Variants in SYNE1 observed in about 807,000 individuals in gnomAD.
The protein encoded by SYNE1 is spectrin repeat containing nuclear envelope protein 1, also known as nesprin-1.
In SYNE1, 616 loss-of-function variants were observed where a neutral mutation model predicts 1,111.0. The observed-to-expected ratio is 0.55, with a 90% CI of 0.52 to 0.59. The LOEUF (loss-of-function observed/expected upper bound fraction) is 0.59, where lower values mean the gene tolerates loss of function less well. Among genes scored for constraint, SYNE1 ranks in the 20% least tolerant of loss-of-function variants. SYNE1 has a pLI of 0.00. For missense variants in SYNE1, 10,006 were observed against 10,417.0 expected (o/e 0.96, Z 1.72); for synonymous variants, 3,855 against 3,825.8 (o/e 1.01, Z -0.28).
chr6:152,283,711 A>G (rs755701762), intron 96 of SYNE1, among the ~76,000 whole-genome samples: 19 of 151,838 alleles, frequency 1.3e-4, no homozygotes, highest in Non-Finnish European at 2.4e-4. Flanking sequence ...TCATTTTTAT[A>G]TTTTTAGTAG....
chr6:152,613,364 CAG>C (rs2128814165), intron 3 of SYNE1, among the ~76,000 whole-genome samples: 1 of 152,246 alleles, frequency 6.6e-6, no homozygotes, highest in Admixed American at 6.5e-5. Flanking sequence ...AACAGACAAA[CAG>C]AGAGCCAAAT....
At position 152,468,909 on chromosome 6, in the gene SYNE1, G is replaced by C. The variant is rs562118293; in HGVS notation, c.1632+2688C>G. Among the ~76,000 whole-genome samples the C allele has an allele frequency of 2.0e-3, 300 of 152,230 alleles. 1 individual carries two copies. Among genetic ancestry groups the C allele is most frequent in the African/African-American group, 7.1e-3 (293 of 41,536 alleles). ...TCCTGCCTCAGCCTCCTGAGTGGTT[G>C]AAACTACAGGTGCACACCATGACAC... On this transcript the variant is annotated intron_variant, in intron 16 of 145. Transcript: ENST00000367255.
chr6:152,222,188 C>T (rs965927450), intron 117 of SYNE1, among the ~76,000 whole-genome samples: 1 of 152,204 alleles, frequency 6.6e-6, no homozygotes, highest in Non-Finnish European at 1.5e-5. Context: ...ATAAAAACTC[C>T]TTCTCTCCTT....
rs534063597 is a variant in SYNE1, at chr6:152,350,227, G to A, written c.11842C>T (p.Pro3948Ser). 8 of 1,613,936 alleles carry A rather than the reference G, an allele frequency of 5.0e-6. No individual in the cohort carries two copies. Among genetic ancestry groups the A allele is most frequent in the Non-Finnish European group, 6.8e-6 (8 of 1,180,028 alleles). The change falls in exon 72 of 146, where the codon CCT (proline) becomes TCT (serine). Residue 3948 changes from proline (P) to serine (S), a missense_variant. Around this residue, in one of 7 missense-constraint regions of SYNE1, gnomAD observed 4,955 missense variants for 5,017.2 expected, o/e 0.99. Coordinates refer to ENST00000367255, the MANE Select transcript of SYNE1 (RefSeq NM_182961.4). The part of the protein sequence containing the change: ...LLQMSGRLVA[P>S]DLLETSSLET... ...AGGCTGCTTGTCTCCAGGAGGTCAG[G>A]TGCCACCAGTCTGCCAGACATCTGC... is the stretch of plus-strand genomic sequence containing the variant.
chr6:152,317,015 A>G (rs1475692843), intron 86 of SYNE1, 29 bp from the exon 87 acceptor site: 1 of 1,612,760 alleles, frequency 6.2e-7, no homozygotes, highest in East Asian at 2.2e-5. Flanking sequence ...TAATGTAACA[A>G]ATGTAAACTC....
chr6:152,420,441 A>T (rs2098239812), intron 39 of SYNE1, among the ~76,000 whole-genome samples: 1 of 152,150 alleles, frequency 6.6e-6, no homozygotes, highest in African/African-American at 2.4e-5. Context: ...CCAACACAGC[A>T]AAACTCCATT....
chr6:152,596,800 T>C (rs1381766920), intron 3 of SYNE1, among the ~76,000 whole-genome samples: 1 of 152,212 alleles, frequency 6.6e-6, no homozygotes, highest in Admixed American at 6.5e-5. Flanking sequence ...TCATCTTCCC[T>C]TCCTGTTGAA....
At chr6:152,293,938 C>T in intron 94 of SYNE1, 22 bp downstream of exon 94, 1 of 1,613,864 alleles carries the variant, frequency 6.2e-7, no homozygotes, top group Middle Eastern at 1.7e-4. Flanking sequence ...TGGGCATAAA[C>T]TAGTCCACCT....
chr6:152,340,818 A>AG (rs749855285), intron 74 of SYNE1, among the ~76,000 whole-genome samples: 140 of 152,314 alleles, frequency 9.2e-4, no homozygotes, highest in Non-Finnish European at 1.7e-3. Flanking sequence ...GGCTTGCCAC[A>AG]GGGGTGGCAG....
At chr6:152,434,524 T>G (rs997857705) in intron 33 of SYNE1, 2 of 152,460 alleles carry the variant, frequency 1.3e-5, no homozygotes, top group Non-Finnish European at 2.9e-5. Context: ...TCAGCCATTT[T>G]CATAAATGTC....
chr6:152,516,897 T>C (rs1441888709), intron 6 of SYNE1, among the ~76,000 whole-genome samples: 4 of 152,176 alleles, frequency 2.6e-5, no homozygotes, highest in African/African-American at 4.8e-5. Context: ...TGAAAAACTC[T>C]AAATATCCTG....
At chr6:152,592,047 G>A (rs1284791590) in intron 3 of SYNE1, among the ~76,000 whole-genome samples, 9 of 152,044 alleles carry the variant, frequency 5.9e-5, no homozygotes. Context: ...CCAGAGAAAA[G>A]GGAATGCTTA....
At chr6:152,299,881 A>G (rs1312300435) in intron 93 of SYNE1, among the ~76,000 whole-genome samples, 2 of 152,204 alleles carry the variant, frequency 1.3e-5, no homozygotes. Flanking sequence ...AATAGTTTAC[A>G]TTTTTTAGTT....
chr6:152,436,530 G>A (rs897123024), intron 32 of SYNE1, among the ~76,000 whole-genome samples: 1 of 151,876 alleles, frequency 6.6e-6, no homozygotes, highest in Non-Finnish European at 1.5e-5. Flanking sequence ...TGAACTCCTG[G>A]GCTCAAGTGA....
intron 56 of SYNE1, among the ~76,000 whole-genome samples, chr6:152,377,592 G>A (rs2097305456): frequency 1.1e-5 from 1 of 94,948 alleles, no homozygotes; most frequent in Non-Finnish European, 2.0e-5. Context: ...CTGGGGGACA[G>A]AACGAAACTC....
chr6:152,249,520 G>A (rs1002394353), intron 104 of SYNE1, among the ~76,000 whole-genome samples: 4 of 152,144 alleles, frequency 2.6e-5, no homozygotes, highest in South Asian at 2.1e-4. Flanking sequence ...AAAAAGCAAC[G>A]CTTGTCACCC....
At chr6:152,492,193 C>T (rs934621686) in intron 11 of SYNE1, among the ~76,000 whole-genome samples, 7 of 152,124 alleles carry the variant, frequency 4.6e-5, no homozygotes, top group Admixed American at 2.6e-4. Flanking sequence ...GCCAGAAGGC[C>T]GTCCTATTCT....
chr6:152,214,912 C>T lies in SYNE1; in HGVS notation c.22340G>A (p.Arg7447Lys). 1 of 1,614,144 alleles carries T rather than the reference C, an allele frequency of 6.2e-7. No individual in the cohort carries two copies. The highest frequency in any genetic ancestry group is 8.5e-7 in the Non-Finnish European group (1 of 1,179,998). ...WSLISSQTTE[R>K]FSKLQSFLLQ... ...CATCTCTTGTTTACTCTACCTGAATCTTTCTGTAGTCTGAGAGGAGATCAG... is the reference window on the plus strand; with the variant it reads ...CATCTCTTGTTTACTCTACCTGAATTTTTCTGTAGTCTGAGAGGAGATCAG... The change falls in exon 122 of 146, where the codon AGA (arginine) becomes AAA (lysine). Residue 7447 changes from arginine to lysine, a missense_variant. By Grantham distance (26) the Arg-to-Lys change is conservative. This residue lies in a region of SYNE1 where 2,182 missense variants were observed against 2,287.8 expected (regional missense o/e 0.95). Transcript: ENST00000367255.
At chr6:152,467,816 G>A (rs1275672683) in intron 16 of SYNE1, among the ~76,000 whole-genome samples, 1 of 152,006 alleles carries the variant, frequency 6.6e-6, no homozygotes, top group Non-Finnish European at 1.5e-5. Flanking sequence ...TTTTAAATTT[G>A]TATTGGTCCA....
Sources: gnomAD v4.1 joint callset for allele counts (sites outside exome capture counted in the v4.1 genomes callset) on GRCh38, gnomAD v4.1.1 for gene constraint, gnomAD v4.1.1 regional missense constraint, MANE v1.5 for transcripts, NCBI Gene and HGNC (gene_info 2026-07-23, HGNC 2026-07-21) for gene names.